AK9: variants seen among roughly 807,000 people sequenced by gnomAD.
AK9 encodes adenylate kinase domain containing 1.
A neutral mutation model predicts 239.6 loss-of-function variants in AK9; 191 were observed. The observed-to-expected ratio is 0.80, with a 90% CI of 0.71 to 0.90. AK9 has a LOEUF of 0.90. Among genes scored for constraint, AK9 ranks in the 40% least tolerant of loss-of-function variants. AK9 has a pLI of 0.00. For synonymous variants in AK9, 689 were observed against 721.0 expected, an observed-to-expected ratio of 0.96 and a Z score of 0.71; for missense variants, 1,995 against 2,214.7, an observed-to-expected ratio of 0.90 and a Z score of 1.99.
At chr6:109,528,109 T>C (rs1780745787) in intron 29 of AK9, 2 of 185,226 alleles carry the variant, frequency 1.1e-5, no homozygotes, top group South Asian at 2.2e-4. Context: ...CAGTGAGAAC[T>C]GGAGAAGGGA....
chr6:109,500,355 C>T lies in AK9; in HGVS notation c.4850-1115G>A, dbSNP rs1465961119. Among the ~76,000 whole-genome samples, 3 of 152,056 alleles carry T rather than the reference C, an allele frequency of 2.0e-5. No individual in the cohort carries two copies. In the East Asian group the frequency reaches 5.8e-4, roughly 29 times the overall value. On this transcript the variant is annotated intron_variant, in intron 35 of 40. Transcript: ENST00000424296. Reference sequence around the variant, plus strand: ...CTTACCCAGAACAAAAATGTAAGTACACACATAAAAAAGAGAGTTTTCTCT... The same window carrying T: ...CTTACCCAGAACAAAAATGTAAGTATACACATAAAAAAGAGAGTTTTCTCT...
chr6:109,652,460 T>C (rs888024572), intron 8 of AK9, among the ~76,000 whole-genome samples: 2 of 152,160 alleles, frequency 1.3e-5, no homozygotes, highest in South Asian at 2.1e-4. Flanking sequence ...GAGATCATAA[T>C]GGAGCTTACT....
At chr6:109,588,694 T>C (rs1789840964) in intron 17 of AK9, among the ~76,000 whole-genome samples, 1 of 152,178 alleles carries the variant, frequency 6.6e-6, no homozygotes, top group African/African-American at 2.4e-5. Context: ...AGGTTCTCTT[T>C]CAGGATTTTT....
At position 109,529,078 on chromosome 6, in the gene AK9, TAAAG is replaced by T. The variant is rs1780906778; in HGVS notation, c.3571-9_3571-6del. On this transcript the variant is annotated splice_region_variant and splice_polypyrimidine_tract_variant and intron_variant, in intron 28 of 40. Coordinates refer to ENST00000424296, the MANE Select transcript of AK9 (RefSeq NM_001145128.3). ...TCTTTTAGCAATCGTATCAACCTGT[TAAAG>T]AAAGAGACATTAAAAAATTGTAATG... 1.8e-5 allele frequency: 28 copies of T among 1,558,984 alleles called. No homozygotes were observed. The highest frequency in any genetic ancestry group is 2.4e-5 in the Non-Finnish European group (28 of 1,161,038).
At chr6:109,554,479 T>C (rs1189560257) in intron 24 of AK9, among the ~76,000 whole-genome samples, 2 of 151,956 alleles carry the variant, frequency 1.3e-5, no homozygotes, top group Admixed American at 6.6e-5. Flanking sequence ...CTAGTTTATT[T>C]GCATAGAGGT....
intron 3 of AK9, among the ~76,000 whole-genome samples, chr6:109,673,962 T>C (rs1210618876): frequency 2.0e-5 from 3 of 149,646 alleles, no homozygotes; most frequent in Non-Finnish European, 3.0e-5. Context: ...AGCAAGACCA[T>C]GTCTCTACAA....
At chr6:109,592,461 T>G (rs1315480511) in intron 17 of AK9, among the ~76,000 whole-genome samples, 2 of 150,758 alleles carry the variant, frequency 1.3e-5, no homozygotes, top group African/African-American at 4.9e-5. Context: ...TTTTTTTTTT[T>G]TTTGAGACGG....
In AK9 at chr6:109,662,578, C is replaced by T. The variant is rs1464165247; in HGVS notation, c.417G>A (p.Leu139=). Residue 139 remains leucine, a synonymous_variant, in exon 6 of 41, where the codon CTG becomes CTA. Coordinates refer to ENST00000424296, the MANE Select transcript of AK9 (RefSeq NM_001145128.3). The part of the protein sequence containing the change: ...QQIELIKNLN[L]KPDVIINIKC... ...TTATATTGATTATAACATCAGGTTT[C>T]AGGTTTAAGTTTTTAATTAATTCTA... 5 of 1,571,982 alleles carry T rather than the reference C, an allele frequency of 3.2e-6. No individual in the cohort carries two copies. The highest frequency in any genetic ancestry group is 4.3e-6 in the Non-Finnish European group (5 of 1,158,128).
intron 15 of AK9, among the ~76,000 whole-genome samples, chr6:109,612,409 A>G (rs530086494): frequency 1.3e-5 from 2 of 152,112 alleles, no homozygotes; most frequent in South Asian, 4.1e-4. Context: ...CCTCAGAGAC[A>G]CAGGGCAGAA....
At position 109,671,939 on chromosome 6, in the gene AK9, G is replaced by A. The variant is rs1770966966; in HGVS notation, c.311C>T (p.Ser104Phe). Reference protein sequence around the residue: ...VIKLMLEKLNSPEVCHFGYII... With the variant: ...VIKLMLEKLNFPEVCHFGYII... ...CATACCAAAGTGACAGACTTCTGGG[G>A]AGTTGAGCTTCTCCAACATTAGCTT... Residue 104 changes from serine to phenylalanine, a missense_variant, in exon 5 of 41, where the codon TCC (serine) becomes TTC (phenylalanine). Ser to Phe is a radical substitution (Grantham distance 155). Around this residue, in one of 5 missense-constraint regions of AK9, gnomAD observed 252 missense variants for 246.4 expected, o/e 1.02. Coordinates refer to ENST00000424296, the MANE Select transcript of AK9 (RefSeq NM_001145128.3). The A allele has an allele frequency of 6.2e-7, 1 of 1,613,900 alleles. No homozygotes were observed. The highest frequency in any genetic ancestry group is 8.5e-7 in the Non-Finnish European group (1 of 1,179,870).
chr6:109,607,918 A>C (rs907376642), intron 17 of AK9, among the ~76,000 whole-genome samples: 1 of 151,944 alleles, frequency 6.6e-6, no homozygotes, highest in Non-Finnish European at 1.5e-5. Flanking sequence ...ACAGAGAAGG[A>C]CGCAATGACA....
intron 8 of AK9, among the ~76,000 whole-genome samples, chr6:109,649,038 A>G (rs570421339): frequency 4.5e-4 from 69 of 152,386 alleles, no homozygotes; most frequent in African/African-American, 1.6e-3. Context: ...ACAAAATTCA[A>G]CAACCGTTCA....
intron 12 of AK9, among the ~76,000 whole-genome samples, chr6:109,621,897 A>AAAAAAAAAAAAAAAAAAG (rs1794868608): frequency 1.5e-5 from 1 of 68,112 alleles, no homozygotes; most frequent in Non-Finnish European, 3.3e-5. Context: ...TATAATTAAA[A>AAAAAAAAAAAAAAAAAAG]AAAAAAAAAA....
chr6:109,657,548 T>C (rs1450298987), intron 7 of AK9, among the ~76,000 whole-genome samples: 2 of 94,560 alleles, frequency 2.1e-5, no homozygotes, highest in Non-Finnish European at 4.9e-5. Context: ...CAAGTTTCTT[T>C]CTTTTTTTTT....
At chr6:109,622,745 T>G (rs1021581186) in intron 12 of AK9, among the ~76,000 whole-genome samples, 1 of 151,110 alleles carries the variant, frequency 6.6e-6, no homozygotes, top group Admixed American at 6.6e-5. Context: ...TATATTTTGG[T>G]ATATACATTT....
At chr6:109,549,160 C>T (rs763109445) in intron 25 of AK9, among the ~76,000 whole-genome samples, 8 of 152,160 alleles carry the variant, frequency 5.3e-5, no homozygotes, top group Non-Finnish European at 1.2e-4. Flanking sequence ...GCCATGGTAA[C>T]AATAGCCACT....
intron 8 of AK9, among the ~76,000 whole-genome samples, chr6:109,649,138 C>T (rs1290530237): frequency 6.6e-6 from 1 of 152,108 alleles, no homozygotes; most frequent in African/African-American, 2.4e-5. Flanking sequence ...GAATATCATA[C>T]TGAATGGACA....
intron 23 of AK9, 61 bp from the exon 24 acceptor site, chr6:109,563,773 A>C (rs1402261405): frequency 2.0e-6 from 3 of 1,465,596 alleles, no homozygotes; most frequent in Non-Finnish European, 2.8e-6. Context: ...TTAGCATATT[A>C]CTATAGTCAA....
intron 24 of AK9, among the ~76,000 whole-genome samples, chr6:109,556,903 G>A (rs1161024201): frequency 6.6e-6 from 1 of 151,654 alleles, no homozygotes; most frequent in East Asian, 1.9e-4. Context: ...GTTAGCAATT[G>A]CTCTAACCTT....
Sources: gnomAD v4.1 joint callset for allele counts (sites outside exome capture counted in the v4.1 genomes callset) on GRCh38, gnomAD v4.1.1 for gene constraint, gnomAD v4.1.1 regional missense constraint, MANE v1.5 for transcripts, NCBI Gene and HGNC (gene_info 2026-07-23, HGNC 2026-07-21) for gene names.